RAB38: variants seen among roughly 807,000 people sequenced by gnomAD.
RAB38 encodes the protein ras-related protein Rab-38.
A neutral mutation model predicts 18.4 loss-of-function variants in RAB38; 15 were observed. That is an observed-to-expected ratio of 0.82 (90% CI 0.55 to 1.26). The LOEUF is 1.26. Among genes scored for constraint, RAB38 ranks in the 50% most tolerant of loss-of-function variants. RAB38 has a pLI of 0.00. For missense variants in RAB38, 294 were observed against 267.4 expected (o/e 1.10, Z -0.69); for synonymous variants, 101 against 104.4 (o/e 0.97, Z 0.20).
the RAB38 span, among the ~76,000 whole-genome samples, chr11:87,907,587 C>T: frequency 6.6e-6 from 1 of 151,194 alleles, no homozygotes; most frequent in Admixed American, 6.6e-5. Flanking sequence ...TCTGTTCTTT[C>T]TTTCCTATTC....
At chr11:88,028,719 T>A in the RAB38 span, among the ~76,000 whole-genome samples, 4 of 152,108 alleles carry the variant, frequency 2.6e-5, no homozygotes, top group East Asian at 1.9e-4. Context: ...CCAAGAAATA[T>A]GGGACTATGT....
At chr11:87,876,308 C>T in the RAB38 span, among the ~76,000 whole-genome samples, 1 of 151,532 alleles carries the variant, frequency 6.6e-6, no homozygotes, top group African/African-American at 2.4e-5. Context: ...GGTATCTGGG[C>T]ATGATGATGA....
chr11:87,960,927 T>C, the RAB38 span, among the ~76,000 whole-genome samples: 6 of 152,104 alleles, frequency 3.9e-5, no homozygotes, highest in African/African-American at 7.2e-5. Context: ...ACTCAGTAAA[T>C]AGGAGAAATT....
the RAB38 span, among the ~76,000 whole-genome samples, chr11:87,860,540 T>C: frequency 1.3e-5 from 2 of 152,012 alleles, no homozygotes; most frequent in Non-Finnish European, 2.9e-5. Context: ...TACGTTTTTA[T>C]TGTATCTAAT....
At chr11:87,847,447 A>G in the RAB38 span, among the ~76,000 whole-genome samples, 174 of 152,234 alleles carry the variant, frequency 1.1e-3, 1 homozygote, top group Middle Eastern at 0.01. Context: ...ACAAAATGAA[A>G]GAAAAAGCTG....
the RAB38 span, among the ~76,000 whole-genome samples, chr11:88,074,115 T>A: frequency 6.6e-6 from 1 of 151,982 alleles, no homozygotes; most frequent in African/African-American, 2.4e-5. Context: ...AAAGCTTATT[T>A]TAAAAAAGTA....
the RAB38 span, among the ~76,000 whole-genome samples, chr11:87,977,830 T>TAC: frequency 9.2e-6 from 1 of 109,258 alleles, no homozygotes; most frequent in Non-Finnish European, 1.7e-5. Flanking sequence ...TATGTTCCTA[T>TAC]ATAATCATGT....
At chr11:87,899,687 G>A in the RAB38 span, among the ~76,000 whole-genome samples, 3 of 151,556 alleles carry the variant, frequency 2.0e-5, no homozygotes, top group African/African-American at 4.8e-5. Context: ...TCCCCTATAA[G>A]CTCAGGAATG....
the RAB38 span, among the ~76,000 whole-genome samples, chr11:88,045,550 C>T: frequency 6.6e-6 from 1 of 152,212 alleles, no homozygotes; most frequent in East Asian, 1.9e-4. Context: ...TGCAGGACCC[C>T]ACTGGAAATT....
the RAB38 span, chr11:87,918,120 G>C: frequency 6.6e-6 from 1 of 151,476 alleles, no homozygotes; most frequent in African/African-American, 2.4e-5. Context: ...TTTACACTCC[G>C]TATATAAGTG....
chr11:87,934,714 T>G, the RAB38 span, among the ~76,000 whole-genome samples: 1 of 152,064 alleles, frequency 6.6e-6, no homozygotes, highest in Non-Finnish European at 1.5e-5. Flanking sequence ...ATATTATTTA[T>G]ATGAGTATAA....
At chr11:88,118,833 C>T (rs1942592291) in intron 2 of RAB38, among the ~76,000 whole-genome samples, 1 of 152,136 alleles carries the variant, frequency 6.6e-6, no homozygotes, top group African/African-American at 2.4e-5. Context: ...TTACTAAAAA[C>T]AAATGGAGTT....
At chr11:88,145,544 G>A (rs1218396061) in intron 2 of RAB38, among the ~76,000 whole-genome samples, 1 of 152,110 alleles carries the variant, frequency 6.6e-6, no homozygotes, top group African/African-American at 2.4e-5. Context: ...TTCAGGCAAT[G>A]GGCACCAAGA....
chr11:87,903,279 T>A, the RAB38 span, among the ~76,000 whole-genome samples: 1 of 151,498 alleles, frequency 6.6e-6, no homozygotes, highest in Non-Finnish European at 1.5e-5. Flanking sequence ...CATATTTTTA[T>A]AAATAAATAC....
the RAB38 span, among the ~76,000 whole-genome samples, chr11:87,973,685 A>C: frequency 1.3e-5 from 2 of 152,002 alleles, no homozygotes; most frequent in African/African-American, 4.8e-5. Context: ...CTCATCAAAG[A>C]CTGGCTACAC....
the RAB38 span, chr11:88,099,853 T>G: frequency 2.6e-5 from 4 of 151,708 alleles, no homozygotes. Context: ...ATTAAAATAA[T>G]AATTTATTAA....
the RAB38 span, among the ~76,000 whole-genome samples, chr11:88,102,350 T>C: frequency 2.0e-5 from 3 of 152,070 alleles, no homozygotes; most frequent in African/African-American, 7.2e-5. Context: ...TTTTTACTCT[T>C]TCATTCTCAG....
the RAB38 span, among the ~76,000 whole-genome samples, chr11:88,032,444 A>G: frequency 6.6e-6 from 1 of 152,206 alleles, no homozygotes; most frequent in Non-Finnish European, 1.5e-5. Flanking sequence ...TGAACAGGCA[A>G]CCTACAAAAT....
chr11:87,856,861 T>A, the RAB38 span, among the ~76,000 whole-genome samples: 1 of 152,086 alleles, frequency 6.6e-6, no homozygotes, highest in African/African-American at 2.4e-5. Context: ...TCTTTAAAAT[T>A]TTCTTTTTTT....
Sources: allele counts gnomAD v4.1 joint callset (sites outside exome capture counted in the v4.1 genomes callset), GRCh38; gene constraint gnomAD v4.1.1; transcripts MANE v1.5; gene names NCBI Gene and HGNC (gene_info 2026-07-23, HGNC 2026-07-21).